Variants in MBOAT2 observed in about 807,000 individuals in gnomAD.
MBOAT2 encodes the protein membrane bound glycerophospholipid O-acyltransferase 2.
In MBOAT2, 28 loss-of-function variants were observed where a neutral mutation model predicts 63.4. That is an observed-to-expected ratio of 0.44 (90% CI 0.33 to 0.61). The LOEUF (loss-of-function observed/expected upper bound fraction) is 0.61. Ranked by LOEUF, MBOAT2 falls within the 20% of genes least tolerant of loss-of-function variation. The probability of loss-of-function intolerance (pLI) is 0.03; values close to 1 mark genes in which losing one functional copy is unlikely to be tolerated. For synonymous variants in MBOAT2, 211 were observed against 215.6 expected, an observed-to-expected ratio of 0.98 and a Z score of 0.19; for missense variants, 470 against 605.8, an observed-to-expected ratio of 0.78 and a Z score of 2.35.
At chr2:8,948,882 G>A (rs1377703828) in intron 2 of MBOAT2, among the ~76,000 whole-genome samples, 3 of 152,178 alleles carry the variant, frequency 2.0e-5, no homozygotes, top group East Asian at 3.8e-4. Flanking sequence ...TGGGTCAAAC[G>A]GTAGTTGTTT....
intron 3 of MBOAT2, among the ~76,000 whole-genome samples, chr2:8,913,879 T>C (rs1035452261): frequency 6.6e-6 from 1 of 152,220 alleles, no homozygotes; most frequent in African/African-American, 2.4e-5. Context: ...ACATGCATGT[T>C]TATAGCAGCA....
At chr2:8,956,116 C>T (rs1354485130) in intron 2 of MBOAT2, among the ~76,000 whole-genome samples, 1 of 152,078 alleles carries the variant, frequency 6.6e-6, no homozygotes, top group African/African-American at 2.4e-5. Flanking sequence ...TTATGGGGGT[C>T]TAGAATCAAA....
At chr2:8,899,493 G>A (rs1046628560) in intron 4 of MBOAT2, among the ~76,000 whole-genome samples, 12 of 152,208 alleles carry the variant, frequency 7.9e-5, no homozygotes, top group African/African-American at 1.9e-4. Context: ...TGGTTAAACC[G>A]TACCTGGGGC....
intron 4 of MBOAT2, among the ~76,000 whole-genome samples, chr2:8,900,046 C>A (rs1664799345): frequency 6.6e-6 from 1 of 152,204 alleles, no homozygotes; most frequent in Non-Finnish European, 1.5e-5. Flanking sequence ...CCCCCCATAG[C>A]TGTTCAAGGA....
chr2:8,889,474 C>T (rs1663827180), intron 4 of MBOAT2, among the ~76,000 whole-genome samples: 1 of 152,208 alleles, frequency 6.6e-6, no homozygotes, highest in Non-Finnish European at 1.5e-5. Flanking sequence ...CTTACATTTA[C>T]ATACTCACTC....
At chr2:8,895,350 TAC>T (rs1194168218) in intron 4 of MBOAT2, among the ~76,000 whole-genome samples, 1 of 152,186 alleles carries the variant, frequency 6.6e-6, no homozygotes, top group East Asian at 1.9e-4. Flanking sequence ...TGGTCCGTTT[TAC>T]AGAGTGCTGA....
chr2:8,955,130 C>T (rs1669124071), intron 2 of MBOAT2, among the ~76,000 whole-genome samples: 1 of 152,242 alleles, frequency 6.6e-6, no homozygotes, highest in African/African-American at 2.4e-5. Context: ...GTGCTCTAAT[C>T]TCTGGCCTAA....
At chr2:8,929,873 T>C (rs568023044) in intron 3 of MBOAT2, among the ~76,000 whole-genome samples, 1 of 152,320 alleles carries the variant, frequency 6.6e-6, no homozygotes, top group South Asian at 2.1e-4. Context: ...ATGAATAATA[T>C]TGAACACATA....
intron 4 of MBOAT2, among the ~76,000 whole-genome samples, chr2:8,898,906 A>G (rs1256937029): frequency 6.6e-6 from 1 of 152,222 alleles, no homozygotes; most frequent in Admixed American, 6.5e-5. Flanking sequence ...TGCCTCATTG[A>G]TAAGTCTAAG....
At chr2:8,868,295 T>C (rs1662047272) in intron 9 of MBOAT2, 151 bp downstream of exon 9, 1 of 618,366 alleles carries the variant, frequency 1.6e-6, no homozygotes, top group Non-Finnish European at 2.8e-6. Context: ...GGGCACATAG[T>C]TGACGACCAA....
chr2:8,874,496 T>C (rs1662564024), intron 7 of MBOAT2, among the ~76,000 whole-genome samples: 1 of 152,192 alleles, frequency 6.6e-6, no homozygotes, highest in Non-Finnish European at 1.5e-5. Flanking sequence ...ATCATTTTAG[T>C]AATGTAATAA....
intron 4 of MBOAT2, among the ~76,000 whole-genome samples, chr2:8,906,936 G>T (rs1350020057): frequency 6.6e-6 from 1 of 152,184 alleles, no homozygotes; most frequent in Non-Finnish European, 1.5e-5. Flanking sequence ...AAGCAAGACT[G>T]GAGGACCTAG....
At chr2:8,967,101 A>C (rs896949747) in intron 1 of MBOAT2, among the ~76,000 whole-genome samples, 3 of 152,212 alleles carry the variant, frequency 2.0e-5, no homozygotes, top group African/African-American at 7.2e-5. Context: ...TACTTCACAA[A>C]AAGTTCCAAA....
intron 4 of MBOAT2, among the ~76,000 whole-genome samples, chr2:8,893,532 T>C (rs552318364): frequency 5.9e-5 from 9 of 152,232 alleles, no homozygotes; most frequent in Non-Finnish European, 1.3e-4. Context: ...AGATGTTTAA[T>C]AGGAGCTGGG....
At chr2:8,970,670 T>TA (rs1220868430) in intron 1 of MBOAT2, among the ~76,000 whole-genome samples, 1 of 151,660 alleles carries the variant, frequency 6.6e-6, no homozygotes, top group African/African-American at 2.4e-5. Context: ...ACAGACACAA[T>TA]AAAAAATGAT....
intron 1 of MBOAT2, among the ~76,000 whole-genome samples, chr2:8,960,592 C>T (rs1180198618): frequency 6.6e-6 from 1 of 152,186 alleles, no homozygotes; most frequent in African/African-American, 2.4e-5. Context: ...GGCAGCTTCC[C>T]TTCCCCCATT....
chr2:8,912,422 C>CAAAGAAAGAAA (rs1558607282), intron 3 of MBOAT2, among the ~76,000 whole-genome samples: 30 of 132,680 alleles, frequency 2.3e-4, no homozygotes, highest in African/African-American at 7.7e-4. Context: ...AAAGACAGGC[C>CAAAGAAAGAAA]GGCCGGCCTT....
chr2:8,914,934 C>CTTTT lies in MBOAT2; in HGVS notation c.300-6222_300-6219dup, dbSNP rs938665533. Among the ~76,000 whole-genome samples the CTTTT allele has an allele frequency of 3.9e-3, 233 of 60,260 alleles. 3 individuals carry two copies. The highest frequency in any genetic ancestry group is 4.0e-3 in the Non-Finnish European group (136 of 34,164). 39.5% of individuals were successfully genotyped at this position (60,260 alleles called of 152,430 possible). ...TTTAAACTGTGACTACTGGAAATTT[C>CTTTT]TTTTTTTTTTTTTTTTTTTTTTTTG... is the stretch of plus-strand genomic sequence containing the variant. On this transcript the variant is annotated intron_variant, in intron 3 of 12. Coordinates refer to ENST00000305997, the MANE Select transcript of MBOAT2 (RefSeq NM_138799.4).
At chr2:8,859,156 G>T (rs1025366329) in intron 12 of MBOAT2, among the ~76,000 whole-genome samples, 2 of 152,056 alleles carry the variant, frequency 1.3e-5, no homozygotes, top group African/African-American at 4.8e-5. Flanking sequence ...CCTTTGTAAG[G>T]GTCAGAAGGC....
Sources: gnomAD v4.1 joint callset for allele counts (sites outside exome capture counted in the v4.1 genomes callset) on GRCh38, gnomAD v4.1.1 for gene constraint, MANE v1.5 for transcripts, NCBI Gene and HGNC (gene_info 2026-07-23, HGNC 2026-07-21) for gene names.